The following GLIS3 variants were observed in gnomAD, a reference collection of about 807,000 sequenced individuals.
GLIS3 encodes GLIS family zinc finger 3.
GLIS3 carries 53 observed loss-of-function variants against 78.6 expected under a neutral mutation model. The ratio of observed to expected loss-of-function variants is 0.67; its 90% CI spans 0.54 to 0.85. GLIS3 has a LOEUF of 0.85. GLIS3 is among the 40% of genes least tolerant of loss of function. GLIS3 has a pLI of 0.00. For synonymous variants in GLIS3, 684 were observed against 509.9 expected, an observed-to-expected ratio of 1.34 and a Z score of -4.60; for missense variants, 1,703 against 1,231.1, an observed-to-expected ratio of 1.38 and a Z score of -5.74.
intron 2 of GLIS3, among the ~76,000 whole-genome samples, chr9:4,156,265 T>C (rs901001560): frequency 3.3e-5 from 5 of 152,158 alleles, no homozygotes; most frequent in Non-Finnish European, 5.9e-5. Flanking sequence ...CTCCATTATC[T>C]TAATTCTTTA....
chr9:3,969,135 G>A (rs180871231), intron 4 of GLIS3, among the ~76,000 whole-genome samples: 411 of 152,348 alleles, frequency 2.7e-3, no homozygotes, highest in Non-Finnish European at 4.1e-3. Flanking sequence ...TCACCAAGGT[G>A]TAGTGTGATG....
At chr9:4,282,418 C>T (rs1827641798) in intron 2 of GLIS3, among the ~76,000 whole-genome samples, 2 of 152,206 alleles carry the variant, frequency 1.3e-5, no homozygotes, top group Admixed American at 1.3e-4. Context: ...CTCAGCCCAT[C>T]AGTTGAAGTC....
the GLIS3 span, among the ~76,000 whole-genome samples, chr9:4,445,282 T>C: frequency 1.3e-5 from 2 of 152,180 alleles, no homozygotes; most frequent in Non-Finnish European, 2.9e-5. Flanking sequence ...TTCATCACTG[T>C]TTTTATTATA....
chr9:4,334,257 C>A (rs1817722701), intron 2 of GLIS3, among the ~76,000 whole-genome samples: 1 of 152,204 alleles, frequency 6.6e-6, no homozygotes, highest in African/African-American at 2.4e-5. Context: ...AAATCTGTTT[C>A]CCAAGGAGCT....
intron 8 of GLIS3, 80 bp from the exon 9 acceptor site, chr9:3,856,264 C>T (rs1365353049): frequency 5.5e-6 from 7 of 1,268,562 alleles, no homozygotes; most frequent in Non-Finnish European, 6.8e-6. Flanking sequence ...GCCAAATTCT[C>T]ACCTCCCATT....
chr9:3,913,068 C>G (rs1391815214), intron 6 of GLIS3, among the ~76,000 whole-genome samples: 4 of 152,172 alleles, frequency 2.6e-5, no homozygotes, highest in Non-Finnish European at 5.9e-5. Flanking sequence ...ATCTTACCAG[C>G]TCCGTATTGT....
chr9:4,127,763 A>G (rs1181471781), intron 2 of GLIS3, among the ~76,000 whole-genome samples: 1 of 142,564 alleles, frequency 7.0e-6, no homozygotes, highest in African/African-American at 2.6e-5. Flanking sequence ...AGCAACATCA[A>G]TTATCAAGTA....
chr9:4,421,258 G>C, the GLIS3 span, among the ~76,000 whole-genome samples: 1 of 152,140 alleles, frequency 6.6e-6, no homozygotes, highest in Admixed American at 6.5e-5. Context: ...GGACTCTCTC[G>C]TCCCACAGGA....
At chr9:3,855,746 G>A (rs1819738380) in intron 9 of GLIS3, 1 of 464,414 alleles carries the variant, frequency 2.2e-6, no homozygotes, top group East Asian at 4.3e-5. Flanking sequence ...GCTATTGCTG[G>A]TGTTAGAGCC....
intron 2 of GLIS3, among the ~76,000 whole-genome samples, chr9:4,317,236 T>A (rs1262105249): frequency 6.6e-6 from 1 of 152,258 alleles, no homozygotes; most frequent in African/African-American, 2.4e-5. Flanking sequence ...AGTTCTCTTG[T>A]ACTTAGCCTG....
chr9:4,260,827 G>T (rs892684845), intron 2 of GLIS3, among the ~76,000 whole-genome samples: 1 of 152,094 alleles, frequency 6.6e-6, no homozygotes, highest in African/African-American at 2.4e-5. Flanking sequence ...GCTCATTACT[G>T]GCCTGAAACC....
At chr9:4,401,625 T>C in the GLIS3 span, among the ~76,000 whole-genome samples, 2 of 150,722 alleles carry the variant, frequency 1.3e-5, no homozygotes, top group East Asian at 3.9e-4. Flanking sequence ...TGGAGTGCAA[T>C]GGTGCAATCT....
At chr9:3,988,397 T>G (rs1404419270) in intron 4 of GLIS3, among the ~76,000 whole-genome samples, 3 of 152,160 alleles carry the variant, frequency 2.0e-5, no homozygotes, top group African/African-American at 7.2e-5. Context: ...ATAAAAGTTA[T>G]AATACCACTT....
At chr9:4,368,239 G>A in the GLIS3 span, among the ~76,000 whole-genome samples, 1 of 152,044 alleles carries the variant, frequency 6.6e-6, no homozygotes, top group Non-Finnish European at 1.5e-5. Context: ...AAGTCATCCT[G>A]GAAAGCCCTT....
intron 2 of GLIS3, among the ~76,000 whole-genome samples, chr9:4,129,403 A>T (rs1832797045): frequency 6.6e-6 from 1 of 152,118 alleles, no homozygotes; most frequent in South Asian, 2.1e-4. Context: ...TGTAATGACC[A>T]GTTTTGGAGG....
At chr9:4,251,343 C>T (rs181256440) in intron 2 of GLIS3, among the ~76,000 whole-genome samples, 3 of 151,900 alleles carry the variant, frequency 2.0e-5, no homozygotes, top group Admixed American at 6.6e-5. Context: ...TTGTGTTAAT[C>T]GCTTTACCAT....
At chr9:4,472,701 A>C in the GLIS3 span, among the ~76,000 whole-genome samples, 1 of 152,144 alleles carries the variant, frequency 6.6e-6, no homozygotes, top group African/African-American at 2.4e-5. Flanking sequence ...GCACATGTAC[A>C]CCTATGTAAC....
intron 7 of GLIS3, among the ~76,000 whole-genome samples, chr9:3,887,502 T>C (rs1204877180): frequency 6.6e-6 from 1 of 152,210 alleles, no homozygotes; most frequent in Admixed American, 6.5e-5. Context: ...TGAGAATTTA[T>C]TGATGTCTGG....
chr9:4,156,952 C>A (rs546823166), intron 2 of GLIS3, among the ~76,000 whole-genome samples: 1 of 152,160 alleles, frequency 6.6e-6, no homozygotes, highest in East Asian at 1.9e-4. Context: ...CCATATCTAC[C>A]GAATCAGAAA....
Sources: allele counts gnomAD v4.1 joint callset (sites outside exome capture counted in the v4.1 genomes callset), GRCh38; gene constraint gnomAD v4.1.1; transcripts MANE v1.5; gene names NCBI Gene and HGNC (gene_info 2026-07-23, HGNC 2026-07-21).